TSHZ2: variants seen among roughly 807,000 people sequenced by gnomAD.
TSHZ2 encodes the protein teashirt zinc finger homeobox 2.
Under a neutral mutation model 74.4 loss-of-function variants are expected in TSHZ2, and 21 were observed. That is an observed-to-expected ratio of 0.28 (90% CI 0.20 to 0.41). The LOEUF (loss-of-function observed/expected upper bound fraction) is 0.41. TSHZ2 is among the 10% of genes least tolerant of loss of function. TSHZ2 has a pLI of 1.00. For missense variants in TSHZ2, 1,244 were observed against 1,293.5 expected (o/e 0.96, Z 0.59); for synonymous variants, 540 against 515.3 (o/e 1.05, Z -0.65).
At chr20:53,049,184 C>A (rs1382976655) in intron 1 of TSHZ2, among the ~76,000 whole-genome samples, 1 of 152,144 alleles carries the variant, frequency 6.6e-6, no homozygotes, top group Non-Finnish European at 1.5e-5. Context: ...ACTGAGCTAA[C>A]AAAGCAGCTA....
At chr20:53,432,561 A>T (rs1983883924) in intron 2 of TSHZ2, among the ~76,000 whole-genome samples, 1 of 152,230 alleles carries the variant, frequency 6.6e-6, no homozygotes, top group Non-Finnish European at 1.5e-5. Flanking sequence ...TATTTTCCAT[A>T]GTGATTGTAC....
intron 1 of TSHZ2, among the ~76,000 whole-genome samples, chr20:53,056,259 T>G (rs2096155370): frequency 1.3e-5 from 2 of 152,168 alleles, no homozygotes; most frequent in African/African-American, 4.8e-5. Flanking sequence ...TGCTTTTCAG[T>G]ACTACAGGGA....
intron 2 of TSHZ2, chr20:53,455,488 G>C (rs1277552412): frequency 5.9e-5 from 9 of 152,038 alleles, no homozygotes. Context: ...TACTTCACCT[G>C]GTCTAGTGGT....
chr20:53,144,702 A>G (rs995674750), intron 1 of TSHZ2, among the ~76,000 whole-genome samples: 8 of 152,184 alleles, frequency 5.3e-5, no homozygotes, highest in African/African-American at 1.9e-4. Flanking sequence ...TTGAACCCAC[A>G]CAGTCTGACT....
At chr20:53,427,048 T>C (rs1452091041) in intron 2 of TSHZ2, among the ~76,000 whole-genome samples, 2 of 152,186 alleles carry the variant, frequency 1.3e-5, no homozygotes, top group African/African-American at 4.8e-5. Flanking sequence ...TAAAAACAAA[T>C]GTGTCAGCTC....
chr20:53,004,786 A>T (rs1258486871), intron 1 of TSHZ2, among the ~76,000 whole-genome samples: 3 of 152,172 alleles, frequency 2.0e-5, no homozygotes, highest in Non-Finnish European at 4.4e-5. Context: ...ATAATAATAA[A>T]AATAATAATA....
Position 53,396,004 on chromosome 20 carries a change from C to T in TSHZ2, c.*9-91140C>T, listed in dbSNP as rs1013228240. Among the ~76,000 whole-genome samples the T allele has an allele frequency of 1.3e-5, 2 of 152,284 alleles. 1 individual carries two copies. Among genetic ancestry groups the T allele is most frequent in the Middle Eastern group, 6.8e-3 (2 of 294 alleles). On this transcript the variant is annotated intron_variant, in intron 2 of 2. Coordinates refer to ENST00000371497, the MANE Select transcript of TSHZ2 (RefSeq NM_173485.6). ...AGGCTGGAGTGCAGTGGCGCGATCT[C>T]GGCTCACTGCAGGCTCCTCTTCCCA...
chr20:53,349,777 C>G (rs1473712259), intron 2 of TSHZ2, among the ~76,000 whole-genome samples: 1 of 152,082 alleles, frequency 6.6e-6, no homozygotes, highest in African/African-American at 2.4e-5. Flanking sequence ...GTGGTATATT[C>G]ATTCTTATAT....
chr20:53,004,180 T>C (rs1205153106), intron 1 of TSHZ2, among the ~76,000 whole-genome samples: 1 of 152,078 alleles, frequency 6.6e-6, no homozygotes, highest in Non-Finnish European at 1.5e-5. Flanking sequence ...TTTAAACATA[T>C]TTCATACAGA....
chr20:53,188,253 T>C (rs1326654945), intron 1 of TSHZ2, among the ~76,000 whole-genome samples: 2 of 152,178 alleles, frequency 1.3e-5, no homozygotes. Flanking sequence ...ATTACATAAA[T>C]GGTACAACAT....
At chr20:53,078,486 A>G (rs1250023771) in intron 1 of TSHZ2, among the ~76,000 whole-genome samples, 1 of 152,224 alleles carries the variant, frequency 6.6e-6, no homozygotes, top group Non-Finnish European at 1.5e-5. Context: ...ACTCTGGCAT[A>G]TTTGGGATCA....
chr20:53,006,445 A>G lies in TSHZ2; in HGVS notation c.40+33112A>G, dbSNP rs16997415. Reference sequence around the variant, plus strand: ...GCTCATGTATCCTTAGATGCCTTGCATGGAAGCACATGACCAAGATAAACT... The same window carrying G: ...GCTCATGTATCCTTAGATGCCTTGCGTGGAAGCACATGACCAAGATAAACT... On this transcript the variant is annotated intron_variant, in intron 1 of 2. Coordinates refer to ENST00000371497, the MANE Select transcript of TSHZ2 (RefSeq NM_173485.6). Among the ~76,000 whole-genome samples, 959 of 152,336 alleles carry G rather than the reference A, an allele frequency of 6.3e-3. 15 individuals carry two copies. Among genetic ancestry groups the G allele is most frequent in the African/African-American group, 0.022 (908 of 41,574 alleles).
At chr20:53,040,739 C>G (rs1209510181) in intron 1 of TSHZ2, among the ~76,000 whole-genome samples, 1 of 152,128 alleles carries the variant, frequency 6.6e-6, no homozygotes, top group Non-Finnish European at 1.5e-5. Context: ...TTAGTGTCCA[C>G]CCTTGGACCC....
At chr20:53,348,309 A>C (rs1299111941) in intron 2 of TSHZ2, among the ~76,000 whole-genome samples, 1 of 152,252 alleles carries the variant, frequency 6.6e-6, no homozygotes, top group Non-Finnish European at 1.5e-5. Flanking sequence ...AAGGGAATGA[A>C]GTGTGGATAC....
At chr20:53,097,378 A>G (rs920216291) in intron 1 of TSHZ2, among the ~76,000 whole-genome samples, 2 of 152,144 alleles carry the variant, frequency 1.3e-5, no homozygotes, top group Admixed American at 1.3e-4. Flanking sequence ...TATAATACCC[A>G]GATGACTGTT....
In TSHZ2 at chr20:53,254,071, T is replaced by A; in HGVS notation, c.613T>A (p.Cys205Ser). 1 of 1,614,018 alleles carries A rather than the reference T, an allele frequency of 6.2e-7. No homozygotes were observed. The highest frequency in any genetic ancestry group is 8.5e-7 in the Non-Finnish European group (1 of 1,180,012). The change falls in exon 2 of 3, where the codon TGC becomes AGC. Residue 205 changes from cysteine (C) to serine (S), a missense_variant. Physicochemically the swap from Cys to Ser is moderately radical, Grantham distance 112 (BLOSUM62 -1). This residue lies in a region of TSHZ2 where 470 missense variants were observed against 456.5 expected (regional missense o/e 1.03). Coordinates refer to ENST00000371497, the MANE Select transcript of TSHZ2 (RefSeq NM_173485.6). ...VQLYRQSSKM[C>S]GTVFTGASRF... ...GTTGTACCGACAGAGCAGCAAGATG[T>A]GCGGGACTGTGTTCACAGGGGCCAG...
chr20:53,135,841 A>G (rs1310145039), intron 1 of TSHZ2, among the ~76,000 whole-genome samples: 1 of 152,042 alleles, frequency 6.6e-6, no homozygotes, highest in African/African-American at 2.4e-5. Flanking sequence ...CTGGGCTCAA[A>G]TGATCCTCTG....
chr20:53,374,453 T>G (rs1981589360), intron 2 of TSHZ2, among the ~76,000 whole-genome samples: 2 of 152,236 alleles, frequency 1.3e-5, no homozygotes, highest in African/African-American at 4.8e-5. Context: ...GATGAACATA[T>G]GTGTGTATGT....
intron 1 of TSHZ2, among the ~76,000 whole-genome samples, chr20:53,236,953 C>A (rs1157641148): frequency 6.6e-6 from 1 of 152,168 alleles, no homozygotes; most frequent in Non-Finnish European, 1.5e-5. Context: ...ACCCCTAACA[C>A]GTAGGGCTTA....
Sources: gnomAD v4.1 joint callset for allele counts (sites outside exome capture counted in the v4.1 genomes callset) on GRCh38, gnomAD v4.1.1 for gene constraint, gnomAD v4.1.1 regional missense constraint, MANE v1.5 for transcripts, NCBI Gene and HGNC (gene_info 2026-07-23, HGNC 2026-07-21) for gene names.